The following CFAP221 variants were observed in gnomAD, a reference collection of about 807,000 sequenced individuals.
CFAP221 encodes the protein cilia and flagella associated protein 221.
In CFAP221, 97 loss-of-function variants were observed where a neutral mutation model predicts 113.1. The ratio of observed to expected loss-of-function variants is 0.86; its 90% CI spans 0.73 to 1.02. The LOEUF (loss-of-function observed/expected upper bound fraction) is 1.02, where lower values mean the gene tolerates loss of function less well. Among genes scored for constraint, CFAP221 ranks in the 50% least tolerant of loss-of-function variants. CFAP221 has a pLI of 0.00. For synonymous variants in CFAP221, 331 were observed against 354.4 expected (o/e 0.93, Z 0.74); for missense variants, 1,025 against 1,013.4 (o/e 1.01, Z -0.16).
intron 6 of CFAP221, among the ~76,000 whole-genome samples, chr2:119,575,053 A>G (rs1471872360): frequency 1.3e-5 from 2 of 152,270 alleles, no homozygotes; most frequent in East Asian, 3.9e-4. Context: ...TTTCAGGCCA[A>G]ACGTTATTAT....
At chr2:119,612,830 T>C (rs975153027) in intron 13 of CFAP221, among the ~76,000 whole-genome samples, 6 of 152,142 alleles carry the variant, frequency 3.9e-5, no homozygotes, top group African/African-American at 1.4e-4. Context: ...CCAACAGTCC[T>C]CCAAAGCCTT....
intron 6 of CFAP221, among the ~76,000 whole-genome samples, chr2:119,576,966 T>G (rs989638922): frequency 1.3e-5 from 2 of 152,258 alleles, no homozygotes; most frequent in Non-Finnish European, 2.9e-5. Context: ...ACTTTCTTCC[T>G]TCTCTCTATG....
intron 6 of CFAP221, among the ~76,000 whole-genome samples, chr2:119,570,926 A>G (rs895301231): frequency 2.0e-5 from 3 of 152,072 alleles, no homozygotes; most frequent in African/African-American, 7.2e-5. Context: ...CATATGGTAA[A>G]TCTATGTTTA....
rs1049070310 is a variant in CFAP221 at position 119,627,882 on chromosome 2, C to T, written c.1650+96C>T. On this transcript the variant is annotated intron_variant, in intron 16 of 23. Coordinates refer to ENST00000413369, the MANE Select transcript of CFAP221 (RefSeq NM_001271049.2). The stretch of plus-strand genomic sequence containing the variant: ...CCCTACCTCAGTCTCAGTCCCTTCA[C>T]CTCCTCCCAGAGGCTCCAAAGGAAG... The T allele has an allele frequency of 2.0e-6, 3 of 1,480,780 alleles. No individual in the cohort carries two copies. In the African/African-American group the frequency reaches 4.2e-5, roughly 21 times the overall value. 91.7% of individuals were successfully genotyped at this position (1,480,780 alleles called of 1,614,324 possible). A position where few individuals can be genotyped will look rare whatever the true frequency, so the allele number is the denominator to read the frequency against.
Position 119,645,253 on chromosome 2 carries a change from A to T in CFAP221, c.2226-1705A>T, listed in dbSNP as rs147146839. Among the ~76,000 whole-genome samples, 553 of 150,290 alleles carry T rather than the reference A, an allele frequency of 3.7e-3. 4 individuals are homozygous for T. The highest frequency in any genetic ancestry group is 9.4e-3 in the Admixed American group (142 of 15,056). ...TTTATTTCACTTTCTTATTGATTTA[A>T]TTTTATTTTTTCAATATTTTGAACA... On this transcript the variant is annotated intron_variant, in intron 21 of 23. Transcript: ENST00000413369.
At chr2:119,568,771 C>T (rs967180980) in intron 6 of CFAP221, among the ~76,000 whole-genome samples, 3 of 152,030 alleles carry the variant, frequency 2.0e-5, no homozygotes, top group East Asian at 1.9e-4. Flanking sequence ...TCCATGTCTT[C>T]GTTATTGTGA....
rs536081640 is a variant in CFAP221 at position 119,566,535 on chromosome 2, T to A, written c.527+4421T>A. On this transcript the variant is annotated intron_variant, in intron 6 of 23. Coordinates refer to ENST00000413369, the MANE Select transcript of CFAP221 (RefSeq NM_001271049.2). The stretch of plus-strand genomic sequence containing the variant: ...GCTGACTGCAGTCCAGCCTTGCTCC[T>A]TCTCTGCCTTAGCATGAGTACCCCC... 6.6e-5 allele frequency among the ~76,000 whole-genome samples: 10 copies of A among 152,190 alleles called. No homozygotes were observed. The East Asian group carries it at 1.9e-3, about 29-fold the overall frequency.
At chr2:119,588,420 T>C (rs1683365768) in intron 7 of CFAP221, among the ~76,000 whole-genome samples, 1 of 152,224 alleles carries the variant, frequency 6.6e-6, no homozygotes, top group Admixed American at 6.5e-5. Flanking sequence ...AAAAGCTCAA[T>C]AGCTTATGGC....
rs1277164829 is a variant in CFAP221 at position 119,587,166 on chromosome 2, A to G, written c.575A>G (p.Glu192Gly). Residue 192 changes from glutamate to glycine, a missense_variant, in exon 7 of 24, where the codon GAG (glutamate) becomes GGG (glycine). Physicochemically the swap from Glu to Gly is moderately conservative, Grantham distance 98. Transcript: ENST00000413369. Reference sequence around the variant, plus strand: ...CAGTGCAGCTGCCCTGTAGATTTTGAGTTTTATATCACCTTGATTCAGTCT... The same window carrying G: ...CAGTGCAGCTGCCCTGTAGATTTTGGGTTTTATATCACCTTGATTCAGTCT... The part of the protein sequence containing the change: ...PLQCSCPVDF[E>G]FYITLIQSHQ... The G allele has an allele frequency of 6.5e-7, 1 of 1,532,788 alleles. No homozygotes were observed. 94.9% of individuals were successfully genotyped at this position (1,532,788 alleles called of 1,614,324 possible).
At chr2:119,641,962 G>A (rs934310761) in intron 21 of CFAP221, among the ~76,000 whole-genome samples, 2 of 152,146 alleles carry the variant, frequency 1.3e-5, no homozygotes, top group Non-Finnish European at 2.9e-5. Context: ...TCAAGAAAAA[G>A]CATCCTATTT....
intron 8 of CFAP221, chr2:119,601,628 G>A (rs1411925339): frequency 2.5e-6 from 1 of 394,262 alleles, no homozygotes; most frequent in Admixed American, 4.2e-5. Context: ...TTTTTTCACT[G>A]ATCACTACTG....
chr2:119,558,428 T>C (rs1010780648), intron 3 of CFAP221, among the ~76,000 whole-genome samples: 1 of 152,228 alleles, frequency 6.6e-6, no homozygotes, highest in Non-Finnish European at 1.5e-5. Flanking sequence ...TTTGGGCTTT[T>C]AACAAGTTTC....
chr2:119,639,268 A>G (rs191531625), intron 20 of CFAP221, among the ~76,000 whole-genome samples: 65 of 152,172 alleles, frequency 4.3e-4, no homozygotes, highest in Non-Finnish European at 6.0e-4. Flanking sequence ...AGCAGCTCCA[A>G]GCTCATTAGC....
chr2:119,635,633 CAA>C (rs1475229961), intron 19 of CFAP221, among the ~76,000 whole-genome samples: 1 of 152,036 alleles, frequency 6.6e-6, no homozygotes, highest in Non-Finnish European at 1.5e-5. Flanking sequence ...GCAGGTGAAA[CAA>C]ATGTTATATC....
At position 119,615,636 on chromosome 2, in the gene CFAP221, T is replaced by G; in HGVS notation, c.1337T>G (p.Phe446Cys). The change falls in exon 14 of 24, where the codon TTT becomes TGT. Residue 446 changes from phenylalanine to cysteine, a missense_variant. Phe to Cys is a radical substitution (Grantham distance 205). Transcript: ENST00000413369. ...AAAATCAAGGAATTTCATCCTACTTTTGATCCACTCATTAATAACACTTGG... is the reference window on the plus strand; with the variant it reads ...AAAATCAAGGAATTTCATCCTACTTGTGATCCACTCATTAATAACACTTGG... ...EEKIKEFHPT[F>C]DPLINNTWLS... The G allele has an allele frequency of 6.2e-7, 1 of 1,610,932 alleles. No homozygotes were observed. Among genetic ancestry groups the G allele is most frequent in the Non-Finnish European group, 8.5e-7 (1 of 1,178,730 alleles).
chr2:119,652,047 T>C lies in CFAP221; in HGVS notation c.2392T>C (p.Tyr798His), dbSNP rs771921002. ...MIKVEFPMLN[Y>H]KDIRKEKEVK... ...CAAAGTGGAATTCCCTATGTTGAAC[T>C]ACAAGGACATCAGGAAGGAGAAGTA... is the stretch of plus-strand genomic sequence containing the variant. The change falls in exon 23 of 24, where the codon TAC becomes CAC. Residue 798 changes from tyrosine to histidine, a missense_variant. Tyr to His is a moderately conservative substitution (Grantham distance 83). Transcript: ENST00000413369. 1 of 1,612,052 alleles carries C rather than the reference T, an allele frequency of 6.2e-7. No homozygotes were observed. The highest frequency in any genetic ancestry group is 1.3e-5 in the African/African-American group (1 of 74,990).
At chr2:119,558,796 C>A (rs946545633) in intron 3 of CFAP221, among the ~76,000 whole-genome samples, 1 of 151,922 alleles carries the variant, frequency 6.6e-6, no homozygotes, top group Non-Finnish European at 1.5e-5. Flanking sequence ...CACTGCAGCC[C>A]GAGCAACACA....
intron 7 of CFAP221, among the ~76,000 whole-genome samples, chr2:119,591,196 T>C (rs564808000): frequency 1.3e-5 from 2 of 151,920 alleles, no homozygotes; most frequent in South Asian, 4.2e-4. Flanking sequence ...TTACCAGAGG[T>C]AAAATAGAGA....
intron 14 of CFAP221, among the ~76,000 whole-genome samples, chr2:119,618,748 C>T (rs1350158996): frequency 1.3e-5 from 2 of 152,116 alleles, no homozygotes; most frequent in Non-Finnish European, 2.9e-5. Context: ...CCACTCACTC[C>T]CCTGGAAAGG....
Sources: allele counts gnomAD v4.1 joint callset (sites outside exome capture counted in the v4.1 genomes callset), GRCh38; gene constraint gnomAD v4.1.1; transcripts MANE v1.5; gene names NCBI Gene and HGNC (gene_info 2026-07-23, HGNC 2026-07-21).